Variants in CENPF observed in about 807,000 individuals in gnomAD.
CENPF encodes the protein centromere protein F.
In CENPF, 214 loss-of-function variants were observed where a neutral mutation model predicts 307.3. That is an observed-to-expected ratio of 0.70 (90% CI 0.62 to 0.78). CENPF has a LOEUF of 0.78. Among genes scored for constraint, CENPF ranks in the 30% least tolerant of loss-of-function variants. The probability of loss-of-function intolerance (pLI) is 0.00; values close to 1 mark genes in which losing one functional copy is unlikely to be tolerated. For missense variants in CENPF, 3,401 were observed against 3,483.9 expected (o/e 0.98, Z 0.60); for synonymous variants, 1,259 against 1,270.6 (o/e 0.99, Z 0.19).
intron 1 of CENPF, 24 bp from the exon 2 acceptor site, chr1:214,613,690 C>T: frequency 1.0e-5 from 15 of 1,450,868 alleles, no homozygotes; most frequent in South Asian, 5.8e-5. Context: ...GTGGTAAGAC[C>T]AACAGTCTGG....
intron 11 of CENPF, among the ~76,000 whole-genome samples, chr1:214,638,811 TAAAAC>T (rs981599476): frequency 3.9e-5 from 6 of 152,254 alleles, no homozygotes; most frequent in African/African-American, 1.4e-4. Flanking sequence ...CTCAAAAAAA[TAAAAC>T]AAAACAAAAA....
rs35011701 is a variant in CENPF, at chr1:214,652,068, A to ATTTTT, written c.8160+196_8160+200dup. Among the ~76,000 whole-genome samples the ATTTTT allele has an allele frequency of 0.045, 5,755 of 126,814 alleles. 488 individuals are homozygous for ATTTTT. The highest frequency in any genetic ancestry group is 0.16 in the African/African-American group (5,397 of 33,058). 83.2% of individuals were successfully genotyped at this position (126,814 alleles called of 152,430 possible). A position where few individuals can be genotyped will look rare whatever the true frequency, so the allele number is the denominator to read the frequency against. On this transcript the variant is annotated intron_variant, in intron 15 of 19. Coordinates refer to ENST00000366955, the MANE Select transcript of CENPF (RefSeq NM_016343.4). Reference sequence around the variant, plus strand: ...GGTCCCTCTCTTATTTTATCAGTTGATTTTTTTTTTTTTTTTTTGAGATGG... The same window carrying ATTTTT: ...GGTCCCTCTCTTATTTTATCAGTTGATTTTTTTTTTTTTTTTTTTTTTTGAGATGG...
chr1:214,611,480 C>T (rs1657199452), intron 1 of CENPF, among the ~76,000 whole-genome samples: 1 of 152,150 alleles, frequency 6.6e-6, no homozygotes, highest in South Asian at 2.1e-4. Flanking sequence ...ATTCTCCTGT[C>T]TCAGCCTCCT....
chr1:214,633,879 A>C (rs970090364), intron 10 of CENPF, among the ~76,000 whole-genome samples: 1 of 152,276 alleles, frequency 6.6e-6, no homozygotes, highest in African/African-American at 2.4e-5. Flanking sequence ...TTCCACAGGC[A>C]GACTGGCATC....
intron 7 of CENPF, among the ~76,000 whole-genome samples, chr1:214,623,754 G>T (rs1409071517): frequency 6.6e-6 from 1 of 152,096 alleles, no homozygotes; most frequent in African/African-American, 2.4e-5. Flanking sequence ...CCTGGGGCTG[G>T]AACAGTGATA....
rs201978958 is a variant in CENPF at position 214,640,135 on chromosome 1, G to T, written c.1797G>T (p.Leu599=). 3.9e-5 allele frequency: 61 copies of T among 1,581,946 alleles called. No homozygotes were observed. The East Asian group carries it at 1.4e-3, about 35-fold the overall frequency. The change falls in exon 12 of 20, where the codon CTG becomes CTT. Residue 599 remains leucine (L), a synonymous_variant. Transcript: ENST00000366955. ...SKTEKESKAL[L]SALELKKKEY... Reference sequence around the variant, plus strand: ...CAGAGAAAGAGTCCAAAGCCTTGCTGAGTGCTTTAGAGTTAAAAAAGAAAG... The same window carrying T: ...CAGAGAAAGAGTCCAAAGCCTTGCTTAGTGCTTTAGAGTTAAAAAAGAAAG...
rs191003909 is a variant in CENPF, at chr1:214,614,387, A to C, written c.163-445A>C. 3.5e-3 allele frequency among the ~76,000 whole-genome samples: 538 copies of C among 152,278 alleles called. 1 individual carries two copies. The highest frequency in any genetic ancestry group is 0.01 in the Middle Eastern group (3 of 294). On this transcript the variant is annotated intron_variant, in intron 2 of 19. Coordinates refer to ENST00000366955, the MANE Select transcript of CENPF (RefSeq NM_016343.4). The stretch of plus-strand genomic sequence containing the variant: ...TATTCCTCAACCTTTTCAGGTCTAG[A>C]AAATGAAAACTAAACAGTACTTTTT...
chr1:214,642,526 A>G lies in CENPF; in HGVS notation c.4188A>G (p.Ser1396=), dbSNP rs1658154662. 1 of 1,612,110 alleles carries G rather than the reference A, an allele frequency of 6.2e-7. No homozygotes were observed. Among genetic ancestry groups the G allele is most frequent in the Admixed American group, 1.7e-5 (1 of 59,738 alleles). ...ATTCCTACGAGCACTTGACATTGTC[A>G]GACAAAGAAGTTCAAATGCACTTTG... is the stretch of plus-strand genomic sequence containing the variant. ...ESNSYEHLTL[S]DKEVQMHFAE... Residue 1396 remains serine (S), a synonymous_variant, in exon 12 of 20, where the codon TCA becomes TCG. Transcript: ENST00000366955.
At chr1:214,624,958 C>T (rs1006765119) in intron 7 of CENPF, among the ~76,000 whole-genome samples, 1 of 151,396 alleles carries the variant, frequency 6.6e-6, no homozygotes, top group African/African-American at 2.4e-5. Context: ...TATTTTGCAG[C>T]TCTGTTGGTG....
At chr1:214,613,962 C>T (rs745536902) in intron 2 of CENPF, 46 bp downstream of exon 2, 1 of 1,506,660 alleles carries the variant, frequency 6.6e-7, no homozygotes, top group Non-Finnish European at 9.0e-7. Flanking sequence ...TCATTATTGA[C>T]AGAGAAGTGC....
chr1:214,645,310 A>G lies in CENPF; in HGVS notation c.5740A>G (p.Ile1914Val), dbSNP rs774898768. The G allele has an allele frequency of 6.2e-7, 1 of 1,614,182 alleles. No individual in the cohort carries two copies. The highest frequency in any genetic ancestry group is 1.1e-5 in the South Asian group (1 of 91,086). Reference protein sequence around the residue: ...LSRIRSEKASIEHEALYLEAD... With the variant: ...LSRIRSEKASVEHEALYLEAD... ...TAGGATCAGATCGGAGAAAGCTAGC[A>G]TTGAGCATGAAGCCCTCTACCTGGA... The change falls in exon 13 of 20, where the codon ATT becomes GTT. Residue 1914 changes from isoleucine (I) to valine (V), a missense_variant. Physicochemically the swap from Ile to Val is conservative, Grantham distance 29. Transcript: ENST00000366955.
In CENPF at chr1:214,658,863, C is replaced by A. The variant is rs1658714974; in HGVS notation, c.8976C>A (p.Ile2992=). Reference sequence around the variant, plus strand: ...TTTTGCCCTTAGGGTTTGCTGACATCCCGACAGGAAAGACTAGCCCATATA... The same window carrying A: ...TTTTGCCCTTAGGGTTTGCTGACATACCGACAGGAAAGACTAGCCCATATA... ...PEVVKKGFAD[I]PTGKTSPYIL... is the part of the protein sequence containing the mutation. The change falls in exon 19 of 20, where the codon ATC becomes ATA. Residue 2992 remains isoleucine, a synonymous_variant. Coordinates refer to ENST00000366955, the MANE Select transcript of CENPF (RefSeq NM_016343.4). 2 of 1,613,998 alleles carry A rather than the reference C, an allele frequency of 1.2e-6. No homozygotes were observed. Among genetic ancestry groups the A allele is most frequent in the African/African-American group, 1.3e-5 (1 of 75,006 alleles).
At chr1:214,630,441 CTG>C in intron 8 of CENPF, 91 bp from the exon 9 acceptor site, 1 of 1,478,890 alleles carries the variant, frequency 6.8e-7, no homozygotes, top group Non-Finnish European at 9.3e-7. Flanking sequence ...CCTGTGCTCT[CTG>C]TGCAGTCGCC....
intron 7 of CENPF, among the ~76,000 whole-genome samples, chr1:214,624,351 TTTTC>T (rs1357839246): frequency 5.3e-5 from 8 of 152,088 alleles, no homozygotes; most frequent in African/African-American, 1.9e-4. Context: ...TAGAATTTTT[TTTTC>T]TTTCTTTATA....
intron 1 of CENPF, among the ~76,000 whole-genome samples, chr1:214,609,496 A>G (rs1453822085): frequency 6.6e-6 from 1 of 152,188 alleles, no homozygotes; most frequent in Non-Finnish European, 1.5e-5. Flanking sequence ...GAAGAGGGAA[A>G]GAGGAGCATA....
chr1:214,657,364 G>T lies in CENPF; in HGVS notation c.8917G>T (p.Gly2973Cys). 1 of 1,612,160 alleles carries T rather than the reference G, an allele frequency of 6.2e-7. No homozygotes were observed. Among genetic ancestry groups the T allele is most frequent in the Non-Finnish European group, 8.5e-7 (1 of 1,179,972 alleles). ...TATTCACCCTGCAGAAGACACGGAA[G>T]GTACTGAGTTTGAGCCAGAGGGACT... is the stretch of plus-strand genomic sequence containing the variant. ...SGIHPAEDTE[G>C]TEFEPEGLPE... Residue 2973 changes from glycine to cysteine, a missense_variant, in exon 18 of 20, where the codon GGT becomes TGT. Gly to Cys is a radical substitution (Grantham distance 159, BLOSUM62 -3). Transcript: ENST00000366955.
Position 214,643,162 on chromosome 1 carries a change from G to C in CENPF, c.4824G>C (p.Gln1608His). The change falls in exon 12 of 20, where the codon CAG (glutamine) becomes CAC (histidine). Residue 1608 changes from glutamine to histidine, a missense_variant. Coordinates refer to ENST00000366955, the MANE Select transcript of CENPF (RefSeq NM_016343.4). ...LRKQYLSENEQWQQKLTSVTL... is the reference protein window; with the variant it reads ...LRKQYLSENEHWQQKLTSVTL... ...AGCAGTATTTGTCAGAAAATGAACAGTGGCAACAGAAGCTGACAAGCGTGA... is the reference window on the plus strand; with the variant it reads ...AGCAGTATTTGTCAGAAAATGAACACTGGCAACAGAAGCTGACAAGCGTGA... 1 of 1,601,138 alleles carries C rather than the reference G, an allele frequency of 6.2e-7. No homozygotes were observed. Among genetic ancestry groups the C allele is most frequent in the Non-Finnish European group, 8.5e-7 (1 of 1,175,880 alleles).
intron 15 of CENPF, 31 bp from the exon 16 acceptor site, chr1:214,652,797 A>G (rs749079272): frequency 6.5e-7 from 1 of 1,533,714 alleles, no homozygotes; most frequent in Non-Finnish European, 8.7e-7. Flanking sequence ...CTAAAGTAAC[A>G]TTTTGGTTTT....
chr1:214,646,308 A>G lies in CENPF; in HGVS notation c.6738A>G (p.Ala2246=). 6.2e-7 allele frequency: 1 copy of G among 1,614,168 alleles called. No homozygotes were observed. The highest frequency in any genetic ancestry group is 8.5e-7 in the Non-Finnish European group (1 of 1,180,028). The change falls in exon 13 of 20, where the codon GCA becomes GCG. Residue 2246 remains alanine (A), a synonymous_variant. Coordinates refer to ENST00000366955, the MANE Select transcript of CENPF (RefSeq NM_016343.4). ...GTCTGTTAGAAGAAAAGGAGCAAGCAGAGATACAGATCAAAGAAGAATCTA... is the reference window on the plus strand; with the variant it reads ...GTCTGTTAGAAGAAAAGGAGCAAGCGGAGATACAGATCAAAGAAGAATCTA... ...FKSLLEEKEQ[A]EIQIKEESKT... is the part of the protein sequence containing the mutation.
Sources: gnomAD v4.1 joint callset for allele counts (sites outside exome capture counted in the v4.1 genomes callset) on GRCh38, gnomAD v4.1.1 for gene constraint, MANE v1.5 for transcripts, NCBI Gene and HGNC (gene_info 2026-07-23, HGNC 2026-07-21) for gene names.